Variants in CDIN1 observed in about 807,000 individuals in gnomAD.
CDIN1 encodes the protein CDAN1 interacting nuclease 1, also known as CDAN1-interacting nuclease 1.
A neutral mutation model predicts 45.3 loss-of-function variants in CDIN1; 33 were observed. The ratio of observed to expected loss-of-function variants is 0.73; its 90% confidence interval spans 0.55 to 0.97. CDIN1 has a LOEUF of 0.97. Ranked by LOEUF, CDIN1 falls within the 50% of genes least tolerant of loss-of-function variation. The pLI is 0.00. For synonymous variants in CDIN1, 118 were observed against 124.4 expected (o/e 0.95, Z 0.34); for missense variants, 303 against 339.4 (o/e 0.89, Z 0.84).
chr15:36,711,233 C>T (rs930573008), intron 10 of CDIN1, among the ~76,000 whole-genome samples: 6 of 151,922 alleles, frequency 3.9e-5, no homozygotes, highest in African/African-American at 1.2e-4. Flanking sequence ...AATCAAATTG[C>T]ATAAGTTTAG....
At chr15:36,690,299 C>T (rs890483454) in intron 5 of CDIN1, among the ~76,000 whole-genome samples, 6 of 150,964 alleles carry the variant, frequency 4.0e-5, no homozygotes, top group East Asian at 1.9e-4. Context: ...GACAGAGTCT[C>T]GCTCCGTTGC....
intron 10 of CDIN1, among the ~76,000 whole-genome samples, chr15:36,721,552 A>C (rs562304838): frequency 6.6e-6 from 1 of 152,136 alleles, no homozygotes; most frequent in African/African-American, 2.4e-5. Flanking sequence ...ATTCTTTTAA[A>C]TGTATTGAGA....
chr15:36,785,957 A>C (rs1442433857), intron 10 of CDIN1, among the ~76,000 whole-genome samples: 1 of 152,212 alleles, frequency 6.6e-6, no homozygotes, highest in Non-Finnish European at 1.5e-5. Flanking sequence ...ATTCTGCCTA[A>C]AACCTCATTA....
intron 5 of CDIN1, among the ~76,000 whole-genome samples, chr15:36,677,756 C>T (rs1259520074): frequency 6.6e-6 from 1 of 152,022 alleles, no homozygotes; most frequent in Non-Finnish European, 1.5e-5. Flanking sequence ...AGGAGGTAAA[C>T]ATTGAACCAG....
rs2054427886 is a variant in CDIN1 at position 36,784,158 on chromosome 15, G to T, written c.717-24166G>T. Among the ~76,000 whole-genome samples the T allele has an allele frequency of 3.3e-5, 5 of 152,244 alleles. No homozygotes were observed. The South Asian group carries it at 1.0e-3, about 32-fold the overall frequency. On this transcript the variant is annotated intron_variant, in intron 10 of 10. Coordinates refer to ENST00000566621, the MANE Select transcript of CDIN1 (RefSeq NM_001321759.2). ...AGGTAAATTTTTATTCCTTTAAATT[G>T]TCTCAATCCTATGATTTTATAACAC...
chr15:36,808,313 T>C lies in CDIN1; in HGVS notation c.717-11T>C. The C allele has an allele frequency of 1.2e-6, 2 of 1,613,160 alleles. No individual in the cohort carries two copies. Among genetic ancestry groups the C allele is most frequent in the Non-Finnish European group, 1.7e-6 (2 of 1,179,316 alleles). On this transcript the variant is annotated splice_polypyrimidine_tract_variant and intron_variant, in intron 10 of 10. Coordinates refer to ENST00000566621, the MANE Select transcript of CDIN1 (RefSeq NM_001321759.2). ...ACCATGTGTGTGTGTTATTTTCTGG[T>C]GTTTTTACAGATTTGGGCCAGGCTT...
At chr15:36,613,949 A>AT (rs2038768914) in intron 1 of CDIN1, 3 of 1,548,994 alleles carry the variant, frequency 1.9e-6, no homozygotes, top group Admixed American at 3.3e-5. Context: ...ATGGATGAGC[A>AT]GATCAGACTG....
intron 2 of CDIN1, among the ~76,000 whole-genome samples, chr15:36,644,982 T>C (rs1180049876): frequency 2.0e-5 from 3 of 152,152 alleles, no homozygotes; most frequent in African/African-American, 7.2e-5. Context: ...TGTTGGCTTT[T>C]ACATATATAC....
intron 10 of CDIN1, among the ~76,000 whole-genome samples, chr15:36,737,068 T>C (rs2044052059): frequency 6.6e-6 from 1 of 151,234 alleles, no homozygotes; most frequent in African/African-American, 2.4e-5. Flanking sequence ...CTTGGGAGGC[T>C]GAGGCAGAAG....
intron 10 of CDIN1, among the ~76,000 whole-genome samples, chr15:36,771,258 G>A (rs1008818907): frequency 2.6e-5 from 4 of 152,082 alleles, no homozygotes; most frequent in South Asian, 2.1e-4. Flanking sequence ...TGTAGATGAC[G>A]GGTTGATGGG....
At chr15:36,774,172 G>GCGCGCA (rs1289883498) in intron 10 of CDIN1, among the ~76,000 whole-genome samples, 5 of 151,166 alleles carry the variant, frequency 3.3e-5, no homozygotes, top group Admixed American at 6.6e-5. Flanking sequence ...GTGCGCGCGC[G>GCGCGCA]CGCATGCATG....
At chr15:36,759,852 A>G (rs917732811) in intron 10 of CDIN1, among the ~76,000 whole-genome samples, 1 of 152,142 alleles carries the variant, frequency 6.6e-6, no homozygotes, top group African/African-American at 2.4e-5. Context: ...TTAAACAACC[A>G]GATCTTGTGA....
chr15:36,636,074 T>C (rs925085352), intron 1 of CDIN1, among the ~76,000 whole-genome samples: 9 of 152,120 alleles, frequency 5.9e-5, no homozygotes, highest in Non-Finnish European at 1.3e-4. Context: ...TGATGAAAGG[T>C]ACGCAGTCAC....
chr15:36,597,440 C>T (rs545499250), intron 1 of CDIN1, among the ~76,000 whole-genome samples: 4 of 152,228 alleles, frequency 2.6e-5, no homozygotes, highest in African/African-American at 9.6e-5. Context: ...TCATATAAAC[C>T]CTGCATTATG....
intron 10 of CDIN1, among the ~76,000 whole-genome samples, chr15:36,805,316 TC>T (rs2055191218): frequency 6.6e-6 from 1 of 152,126 alleles, no homozygotes; most frequent in East Asian, 1.9e-4. Context: ...CCTGAGGGTC[TC>T]CCAGCTGGCA....
rs946655298 is a variant in CDIN1, at chr15:36,659,397, T to A, written c.346+1492T>A. On this transcript the variant is annotated intron_variant, in intron 5 of 10. Coordinates refer to ENST00000566621, the MANE Select transcript of CDIN1 (RefSeq NM_001321759.2). ...CTATAATTCCAATGCTAGGATTAAA[T>A]GTCTTGCATGAATACACTGGAGAAG... Among the ~76,000 whole-genome samples, 3 of 152,166 alleles carry A rather than the reference T, an allele frequency of 2.0e-5. No homozygotes were observed. In the East Asian group the frequency reaches 5.8e-4, roughly 29 times the overall value.
intron 10 of CDIN1, among the ~76,000 whole-genome samples, chr15:36,721,175 C>T (rs1428481453): frequency 1.3e-5 from 2 of 152,026 alleles, no homozygotes; most frequent in African/African-American, 2.4e-5. Context: ...TGGGTATTAG[C>T]CCTTTGTCAG....
intron 10 of CDIN1, among the ~76,000 whole-genome samples, chr15:36,787,765 A>C (rs2054529238): frequency 6.6e-6 from 1 of 151,942 alleles, no homozygotes; most frequent in Non-Finnish European, 1.5e-5. Flanking sequence ...TGTTTGTTTG[A>C]AAAATGTCCT....
At chr15:36,755,952 C>G (rs2053599347) in intron 10 of CDIN1, 2 of 414,520 alleles carry the variant, frequency 4.8e-6, no homozygotes, top group Non-Finnish European at 4.8e-6. Flanking sequence ...GGTTCATTCC[C>G]TGGTATTTCG....
Sources: gnomAD v4.1 joint callset for allele counts (sites outside exome capture counted in the v4.1 genomes callset) on GRCh38, gnomAD v4.1.1 for gene constraint, MANE v1.5 for transcripts, NCBI Gene and HGNC (gene_info 2026-07-23, HGNC 2026-07-21) for gene names.